CENPL: variants seen among roughly 807,000 people sequenced by gnomAD.
The protein encoded by CENPL is interphase centromere complex protein 33.
A neutral mutation model predicts 35.2 loss-of-function variants in CENPL; 20 were observed. The ratio of observed to expected loss-of-function variants is 0.57; its 90% CI spans 0.40 to 0.83. CENPL has a LOEUF of 0.83. Ranked by LOEUF, CENPL falls within the 40% of genes least tolerant of loss-of-function variation. CENPL has a pLI of 0.00. For missense variants in CENPL, 363 were observed against 395.8 expected (o/e 0.92, Z 0.70); for synonymous variants, 140 against 140.6 (o/e 1.00, Z 0.03).
chr1:173,800,159 C>CTA lies in CENPL; in HGVS notation c.*287_*288dup, dbSNP rs770471189. On this transcript the variant is annotated 3_prime_UTR_variant, in exon 6 of 6. Coordinates refer to ENST00000682279, the MANE Select transcript of CENPL (RefSeq NM_001387287.1). The stretch of plus-strand genomic sequence containing the variant: ...ACAGGTGTGAGCCACCAAGCCCAGC[C>CTA]TATATATATATATTTAAAGATGACA... The CTA allele has an allele frequency of 5.5e-4, 103 of 188,394 alleles. No individual in the cohort carries two copies. Among genetic ancestry groups the CTA allele is most frequent in the East Asian group, 9.7e-4 (8 of 8,220 alleles). 11.7% of individuals were successfully genotyped at this position (188,394 alleles called of 1,614,324 possible).
At chr1:173,813,640 C>A (rs1651060179) in intron 2 of CENPL, among the ~76,000 whole-genome samples, 1 of 152,156 alleles carries the variant, frequency 6.6e-6, no homozygotes, top group African/African-American at 2.4e-5. Flanking sequence ...GATTTTGTCA[C>A]CACGAGGCCT....
At chr1:173,818,936 T>C (rs1337514991) in intron 2 of CENPL, among the ~76,000 whole-genome samples, 1 of 152,188 alleles carries the variant, frequency 6.6e-6, no homozygotes, top group Non-Finnish European at 1.5e-5. Flanking sequence ...AAGTATTTCA[T>C]AGAACTTCCA....
intron 2 of CENPL, among the ~76,000 whole-genome samples, chr1:173,812,459 G>A (rs576186775): frequency 1.6e-4 from 25 of 152,330 alleles, no homozygotes; most frequent in African/African-American, 5.5e-4. Context: ...ACTATGGGAC[G>A]AAGCTTCCAG....
At chr1:173,819,499 G>C (rs1651733175) in intron 2 of CENPL, among the ~76,000 whole-genome samples, 1 of 151,958 alleles carries the variant, frequency 6.6e-6, no homozygotes, top group African/African-American at 2.4e-5. Context: ...GCTGAGAGGA[G>C]AATCGCTTGA....
At chr1:173,822,986 G>A (rs1652119388) in intron 2 of CENPL, 1 of 152,242 alleles carries the variant, frequency 6.6e-6, no homozygotes, top group South Asian at 2.1e-4. Context: ...TGATCCGCCT[G>A]CCTTGGCCTC....
chr1:173,817,918 G>A (rs976266700), intron 2 of CENPL, among the ~76,000 whole-genome samples: 53 of 152,202 alleles, frequency 3.5e-4, no homozygotes, highest in African/African-American at 1.1e-3. Flanking sequence ...AACACCAAAC[G>A]CCGCATGTTC....
At chr1:173,813,224 G>A (rs57688313) in intron 2 of CENPL, among the ~76,000 whole-genome samples, 9,294 of 152,258 alleles carry the variant, frequency 0.061, 1,004 homozygotes, top group African/African-American at 0.21. Flanking sequence ...GTGACGGGGA[G>A]AATGGAACCA....
At chr1:173,821,285 T>C (rs961485750) in intron 2 of CENPL, among the ~76,000 whole-genome samples, 1 of 152,204 alleles carries the variant, frequency 6.6e-6, no homozygotes, top group Non-Finnish European at 1.5e-5. Context: ...CTTGCCAAAG[T>C]CAACAAGTTA....
At chr1:173,818,619 G>A (rs1055834365) in intron 2 of CENPL, among the ~76,000 whole-genome samples, 1 of 151,946 alleles carries the variant, frequency 6.6e-6, no homozygotes, top group African/African-American at 2.4e-5. Context: ...GAGTATGCAT[G>A]TGTGTGTGTG....
In CENPL at chr1:173,801,259, A is replaced by G. The variant is rs185041746; in HGVS notation, c.964-740T>C. On this transcript the variant is annotated intron_variant, in intron 5 of 5. Transcript: ENST00000682279. The stretch of plus-strand genomic sequence containing the variant: ...TGTCCAGGCACGGTGGCTCATGCCT[A>G]TAATCCCAGCACTTTGGGAGGCCGA... 6.0e-4 allele frequency among the ~76,000 whole-genome samples: 91 copies of G among 151,468 alleles called. 1 individual carries two copies. The highest frequency in any genetic ancestry group is 1.1e-3 in the Non-Finnish European group (73 of 67,810).
intron 3 of CENPL, among the ~76,000 whole-genome samples, chr1:173,808,802 G>A (rs1463632298): frequency 1.3e-5 from 2 of 151,986 alleles, no homozygotes; most frequent in African/African-American, 2.4e-5. Flanking sequence ...GACAACCTAG[G>A]CAATACCATT....
At chr1:173,804,179 C>T (rs1437241016) in intron 4 of CENPL, among the ~76,000 whole-genome samples, 6 of 152,200 alleles carry the variant, frequency 3.9e-5, no homozygotes, top group African/African-American at 1.4e-4. Flanking sequence ...TTCAATATTT[C>T]CTAAGGCAGC....
rs572589692 is a variant in CENPL, at chr1:173,805,377, C to T, written c.421-1872G>A. ...ATAAAAATATAAAACTAGCCTGGCACGGTGGCACATGCCTATAGTCCTAGC... is the reference window on the plus strand; with the variant it reads ...ATAAAAATATAAAACTAGCCTGGCATGGTGGCACATGCCTATAGTCCTAGC... On this transcript the variant is annotated intron_variant, in intron 4 of 5. Coordinates refer to ENST00000682279, the MANE Select transcript of CENPL (RefSeq NM_001387287.1). Among the ~76,000 whole-genome samples the T allele has an allele frequency of 6.8e-4, 103 of 151,984 alleles. 1 individual carries two copies. The highest frequency in any genetic ancestry group is 1.2e-3 in the South Asian group (6 of 4,814).
intron 2 of CENPL, among the ~76,000 whole-genome samples, chr1:173,819,414 A>C (rs1337853244): frequency 6.6e-6 from 1 of 151,834 alleles, no homozygotes; most frequent in Non-Finnish European, 1.5e-5. Context: ...AACATGGTGA[A>C]ACTCCGTCTC....
chr1:173,815,536 G>A (rs570604368), intron 2 of CENPL, among the ~76,000 whole-genome samples: 7 of 151,974 alleles, frequency 4.6e-5, no homozygotes, highest in South Asian at 2.1e-4. Flanking sequence ...TTCAACATAC[G>A]CAAATCAATA....
At chr1:173,815,654 T>G (rs1321905867) in intron 2 of CENPL, among the ~76,000 whole-genome samples, 3 of 151,978 alleles carry the variant, frequency 2.0e-5, no homozygotes, top group Non-Finnish European at 4.4e-5. Context: ...TGCTAAAAAC[T>G]CTCCATAAAC....
chr1:173,802,894 T>C (rs1649879759), intron 5 of CENPL, 69 bp downstream of exon 5: 8 of 1,033,388 alleles, frequency 7.7e-6, no homozygotes, highest in Non-Finnish European at 1.1e-5. Flanking sequence ...GAGTGGACAA[T>C]ACAATCATCA....
At chr1:173,809,357 G>T (rs1650577920) in intron 3 of CENPL, among the ~76,000 whole-genome samples, 1 of 151,404 alleles carries the variant, frequency 6.6e-6, no homozygotes, top group African/African-American at 2.4e-5. Context: ...GAGAGGGTGG[G>T]GAGGGTTGAT....
intron 4 of CENPL, among the ~76,000 whole-genome samples, chr1:173,805,335 G>A (rs776171039): frequency 1.6e-4 from 25 of 152,010 alleles, no homozygotes; most frequent in Non-Finnish European, 3.4e-4. Context: ...TGGGCAACAC[G>A]GTGAAACCCT....
Sources: allele counts gnomAD v4.1 joint callset (sites outside exome capture counted in the v4.1 genomes callset), GRCh38; gene constraint gnomAD v4.1.1; transcripts MANE v1.5; gene names NCBI Gene and HGNC (gene_info 2026-07-23, HGNC 2026-07-21).